The following DOCK10 variants were observed in gnomAD, a reference collection of about 807,000 sequenced individuals.
The protein encoded by DOCK10 is dedicator of cytokinesis protein 10.
Under a neutral mutation model 280.1 loss-of-function variants are expected in DOCK10, and 145 were observed. The observed-to-expected ratio is 0.52, with a 90% CI of 0.45 to 0.59. DOCK10 has a LOEUF of 0.59. DOCK10 is among the 20% of genes least tolerant of loss of function. DOCK10 has a pLI of 0.00. For synonymous variants in DOCK10, 915 were observed against 942.2 expected (o/e 0.97, Z 0.53); for missense variants, 2,368 against 2,651.7 (o/e 0.89, Z 2.35).
intron 3 of DOCK10, among the ~76,000 whole-genome samples, chr2:224,900,295 ACTTT>A (rs1489007235): frequency 6.6e-6 from 1 of 151,984 alleles, no homozygotes; most frequent in African/African-American, 2.4e-5. Flanking sequence ...AAAACACAAA[ACTTT>A]CTTTTTTTAA....
At chr2:224,989,039 CTG>C (rs1042001747) in intron 1 of DOCK10, among the ~76,000 whole-genome samples, 1 of 152,212 alleles carries the variant, frequency 6.6e-6, no homozygotes, top group African/African-American at 2.4e-5. Context: ...CCAGGACACT[CTG>C]TGAGTGTGGA....
chr2:224,978,838 G>C lies in DOCK10; in HGVS notation c.124-47170C>G, dbSNP rs140605048. 2.4e-3 allele frequency among the ~76,000 whole-genome samples: 373 copies of C among 152,254 alleles called. 1 individual carries two copies. Among genetic ancestry groups the C allele is most frequent in the African/African-American group, 8.2e-3 (339 of 41,548 alleles). ...GGGATTTCAAACTCAGCATCCTTAG[G>C]GTGAGCTTAGATTCTGTCTCCAAAC... On this transcript the variant is annotated intron_variant, in intron 1 of 55. Transcript: ENST00000258390.
At chr2:224,930,999 T>G (rs117370240) in intron 2 of DOCK10, among the ~76,000 whole-genome samples, 1 of 152,228 alleles carries the variant, frequency 6.6e-6, no homozygotes, top group African/African-American at 2.4e-5. Context: ...TCAGAGGCTG[T>G]CTGTGTGGTA....
chr2:224,885,638 A>G (rs1401702919), intron 7 of DOCK10, 33 bp downstream of exon 7: 56 of 1,530,038 alleles, frequency 3.7e-5, no homozygotes, highest in Non-Finnish European at 4.8e-5. Context: ...AAATAAAAAA[A>G]AATCCCAAGG....
intron 1 of DOCK10, among the ~76,000 whole-genome samples, chr2:225,036,222 TG>T (rs1690256854): frequency 6.6e-6 from 1 of 152,164 alleles, no homozygotes. Context: ...TTTCTTAACC[TG>T]GAAAATTAAG....
At chr2:225,001,215 T>C (rs1706420663) in intron 1 of DOCK10, among the ~76,000 whole-genome samples, 1 of 151,850 alleles carries the variant, frequency 6.6e-6, no homozygotes, top group South Asian at 2.1e-4. Flanking sequence ...AGTACATAGA[T>C]GAACTAGCAG....
At chr2:225,000,558 A>T (rs1339321038) in intron 1 of DOCK10, among the ~76,000 whole-genome samples, 1 of 152,164 alleles carries the variant, frequency 6.6e-6, no homozygotes, top group African/African-American at 2.4e-5. Flanking sequence ...CACGTTCACA[A>T]TGTCTCCAAG....
In DOCK10 at chr2:224,864,989, T is replaced by C. The variant is rs1182062309; in HGVS notation, c.1356A>G (p.Arg452=). ...CCACAGAAGCCCCCAAGAGCATCTG[T>C]CTGACAGCAGCATGGTTTAGATCCA... ...FHVDLNHAAV[R]QMLLGASVAL... The change falls in exon 12 of 56, where the codon AGA becomes AGG. Residue 452 remains arginine, a synonymous_variant. Transcript: ENST00000258390. 1 of 1,613,976 alleles carries C rather than the reference T, an allele frequency of 6.2e-7. No individual in the cohort carries two copies.
intron 1 of DOCK10, among the ~76,000 whole-genome samples, chr2:224,981,478 A>G (rs1002030798): frequency 1.3e-5 from 2 of 152,196 alleles, no homozygotes; most frequent in African/African-American, 4.8e-5. Context: ...ACTTTACCAT[A>G]CCATCTATTC....
intron 3 of DOCK10, among the ~76,000 whole-genome samples, chr2:224,912,828 C>G (rs538759284): frequency 1.3e-5 from 2 of 152,116 alleles, no homozygotes; most frequent in Non-Finnish European, 2.9e-5. Flanking sequence ...GAGTTTGAGA[C>G]CAGTGTGGCC....
intron 1 of DOCK10, among the ~76,000 whole-genome samples, chr2:225,001,384 G>A (rs1247940376): frequency 1.3e-5 from 2 of 148,674 alleles, no homozygotes; most frequent in African/African-American, 5.2e-5. Flanking sequence ...CCGCCTCCCG[G>A]GTTTACGCCA....
chr2:224,768,152 G>T (rs1445937390), intron 55 of DOCK10, among the ~76,000 whole-genome samples: 1 of 152,048 alleles, frequency 6.6e-6, no homozygotes, highest in Admixed American at 6.6e-5. Flanking sequence ...CCTGACCTCA[G>T]GTGATCCACC....
At chr2:224,896,811 A>T (rs4673122) in intron 3 of DOCK10, among the ~76,000 whole-genome samples, 108,638 of 152,190 alleles carry the variant, frequency 0.71, 40,172 homozygotes, top group African/African-American at 0.92. Context: ...GTGCTGTGAA[A>T]GCTAGCAACT....
intron 2 of DOCK10, among the ~76,000 whole-genome samples, chr2:224,917,895 G>A (rs1486149596): frequency 6.6e-6 from 1 of 152,118 alleles, no homozygotes; most frequent in African/African-American, 2.4e-5. Flanking sequence ...CAGGTGATGA[G>A]TCTGTGACAT....
intron 1 of DOCK10, among the ~76,000 whole-genome samples, chr2:225,011,370 T>A (rs116578897): frequency 0.014 from 2,085 of 152,262 alleles, 49 homozygotes; most frequent in African/African-American, 0.047. Context: ...CTAAAGTGAC[T>A]CTTTCCATAG....
intron 2 of DOCK10, among the ~76,000 whole-genome samples, chr2:224,926,528 T>A (rs1702054050): frequency 6.6e-6 from 1 of 152,094 alleles, no homozygotes; most frequent in Admixed American, 6.5e-5. Flanking sequence ...CGAGACTCCA[T>A]CTCTTTAAAA....
intron 1 of DOCK10, among the ~76,000 whole-genome samples, chr2:224,969,817 G>C (rs1704985666): frequency 6.6e-6 from 1 of 152,214 alleles, no homozygotes; most frequent in African/African-American, 2.4e-5. Flanking sequence ...GTCACCTTTA[G>C]AGTGACAGAA....
At chr2:224,814,785 G>C (rs1483150336) in intron 30 of DOCK10, among the ~76,000 whole-genome samples, 1 of 152,150 alleles carries the variant, frequency 6.6e-6, no homozygotes, top group African/African-American at 2.4e-5. Flanking sequence ...ACCTCCCAAA[G>C]TGCTGGGATT....
At chr2:224,979,548 A>T (rs1411039998) in intron 1 of DOCK10, among the ~76,000 whole-genome samples, 1 of 152,236 alleles carries the variant, frequency 6.6e-6, no homozygotes, top group Non-Finnish European at 1.5e-5. Context: ...TCCTTGGCTC[A>T]TCTGGACACA....
Sources: gnomAD v4.1 joint callset for allele counts (sites outside exome capture counted in the v4.1 genomes callset) on GRCh38, gnomAD v4.1.1 for gene constraint, MANE v1.5 for transcripts, NCBI Gene and HGNC (gene_info 2026-07-23, HGNC 2026-07-21) for gene names.